RPGRIP1: variants seen among roughly 807,000 people sequenced by gnomAD.
RPGRIP1 encodes the protein RPGR interacting protein 1, also known as X-linked retinitis pigmentosa GTPase regulator-interacting protein 1.
In RPGRIP1, 128 loss-of-function variants were observed where a neutral mutation model predicts 157.9. The ratio of observed to expected loss-of-function variants is 0.81; its 90% confidence interval spans 0.70 to 0.94. The LOEUF is 0.94. RPGRIP1 is among the 40% of genes least tolerant of loss of function. The pLI is 0.00. For missense variants in RPGRIP1, 1,486 were observed against 1,545.8 expected (o/e 0.96, Z 0.65); for synonymous variants, 554 against 571.6 (o/e 0.97, Z 0.44).
chr14:21,327,795 A>G lies in RPGRIP1; in HGVS notation c.2883A>G (p.Ser961=), dbSNP rs768027920. The G allele has an allele frequency of 2.5e-6, 4 of 1,594,770 alleles. No individual in the cohort carries two copies. The South Asian group carries it at 4.5e-5, about 18-fold the overall frequency. The stretch of plus-strand genomic sequence containing the variant: ...TCTCATCTGAAGAGGAAAAGGCTTC[A>G]TTTCCTTCCCAGGTAACTCTCCAGG... ...SKISSEEEKA[S]FPSQDQMASP... Residue 961 remains serine (S), a synonymous_variant, in exon 18 of 25, where the codon TCA becomes TCG. Transcript: ENST00000400017.
intron 3 of RPGRIP1, among the ~76,000 whole-genome samples, chr14:21,298,370 G>A (rs1013108924): frequency 6.7e-6 from 1 of 150,072 alleles, no homozygotes; most frequent in Non-Finnish European, 1.5e-5. Context: ...CGTGGTGGCA[G>A]GCGCCTATAA....
At chr14:21,334,498 A>C in intron 20 of RPGRIP1, 107 bp from the exon 21 acceptor site, 2 of 771,060 alleles carry the variant, frequency 2.6e-6, no homozygotes, top group Non-Finnish European at 4.6e-6. Context: ...AAATCTAGAC[A>C]CTCGGAACTA....
chr14:21,286,885 G>A (rs1022372109), intron 1 of RPGRIP1, among the ~76,000 whole-genome samples: 5 of 152,046 alleles, frequency 3.3e-5, no homozygotes, highest in African/African-American at 1.2e-4. Context: ...ACTGGGCCTG[G>A]CACGGTGGCT....
chr14:21,334,524 A>T (rs1884127282), intron 20 of RPGRIP1, 81 bp from the exon 21 acceptor site: 1 of 910,192 alleles, frequency 1.1e-6, no homozygotes. Flanking sequence ...CAGACAGTGG[A>T]TTGGAGATGT....
intron 11 of RPGRIP1, 195 bp downstream of exon 11, chr14:21,318,045 A>G: frequency 1.4e-6 from 1 of 700,676 alleles, no homozygotes; most frequent in Non-Finnish European, 2.6e-6. Flanking sequence ...CCTACCTCTC[A>G]TGTATACTTT....
At position 21,328,495 on chromosome 14, in the gene RPGRIP1, G is replaced by A. The variant is rs1883352034; in HGVS notation, c.2967G>A (p.Gly989=). The A allele has an allele frequency of 6.2e-7, 1 of 1,613,730 alleles. No individual in the cohort carries two copies. The highest frequency in any genetic ancestry group is 8.5e-7 in the Non-Finnish European group (1 of 1,179,792). The change falls in exon 19 of 25, where the codon GGG becomes GGA. Residue 989 remains glycine, a synonymous_variant. Transcript: ENST00000400017. ...QYRSKRKPPH[G]GERKEKEHQV... Reference sequence around the variant, plus strand: ...GATCTAAGAGAAAACCTCCTCATGGGGGAGAAAGAAAGGAGAAGGAGCACC... The same window carrying A: ...GATCTAAGAGAAAACCTCCTCATGGAGGAGAAAGAAAGGAGAAGGAGCACC...
At chr14:21,339,042 A>C (rs2139313840) in intron 21 of RPGRIP1, among the ~76,000 whole-genome samples, 1 of 152,322 alleles carries the variant, frequency 6.6e-6, no homozygotes, top group East Asian at 1.9e-4. Flanking sequence ...AGGTTGAGGC[A>C]GGAGAATCGC....
intron 2 of RPGRIP1, among the ~76,000 whole-genome samples, chr14:21,290,057 A>G (rs1469214474): frequency 6.6e-6 from 1 of 151,594 alleles, no homozygotes; most frequent in African/African-American, 2.4e-5. Context: ...GGGTTTCACC[A>G]TGCTGGCCGG....
At chr14:21,322,042 C>T in intron 14 of RPGRIP1, 38 bp downstream of exon 14, 1 of 1,565,124 alleles carries the variant, frequency 6.4e-7, no homozygotes, top group Non-Finnish European at 8.7e-7. Flanking sequence ...CTTCGGGACC[C>T]TTCCACAGCT....
chr14:21,350,614 C>G (rs2139383164), intron 24 of RPGRIP1, among the ~76,000 whole-genome samples: 1 of 152,062 alleles, frequency 6.6e-6, no homozygotes, highest in African/African-American at 2.4e-5. Context: ...AGTCTTTTTC[C>G]TCATCTATAA....
rs928269514 is a variant in RPGRIP1, at chr14:21,284,143, A to C, written c.-38-3796A>C. 2.0e-5 allele frequency among the ~76,000 whole-genome samples: 3 copies of C among 152,196 alleles called. No homozygotes were observed. In the South Asian group the frequency reaches 6.2e-4, roughly 32 times the overall value. ...ATCCAATTCAAGTTAAATTGCCCGGAAAGCAGATCAATACAATGTTTACAT... is the reference window on the plus strand; with the variant it reads ...ATCCAATTCAAGTTAAATTGCCCGGCAAGCAGATCAATACAATGTTTACAT... On this transcript the variant is annotated intron_variant, in intron 1 of 24. Coordinates refer to ENST00000400017, the MANE Select transcript of RPGRIP1 (RefSeq NM_020366.4).
chr14:21,282,731 TCC>T (rs911985551), intron 1 of RPGRIP1, among the ~76,000 whole-genome samples: 11 of 148,162 alleles, frequency 7.4e-5, no homozygotes, highest in African/African-American at 2.2e-4. Context: ...TGCCTCAGCC[TCC>T]CCAGTAGCTG....
At chr14:21,350,553 T>C (rs879291034) in intron 24 of RPGRIP1, among the ~76,000 whole-genome samples, 12 of 152,218 alleles carry the variant, frequency 7.9e-5, no homozygotes, top group Admixed American at 2.6e-4. Flanking sequence ...GTTCAAATGT[T>C]AGATAAGATT....
chr14:21,350,837 T>TAA (rs1276741015), intron 24 of RPGRIP1, among the ~76,000 whole-genome samples: 2 of 152,210 alleles, frequency 1.3e-5, no homozygotes, highest in African/African-American at 4.8e-5. Flanking sequence ...AAAATCCACT[T>TAA]AAGACTTTTC....
intron 1 of RPGRIP1, among the ~76,000 whole-genome samples, chr14:21,283,783 G>A (rs779089977): frequency 3.3e-5 from 5 of 151,666 alleles, no homozygotes; most frequent in Admixed American, 6.6e-5. Flanking sequence ...TCAGCCTCCC[G>A]AGTAGCCGGA....
intron 21 of RPGRIP1, among the ~76,000 whole-genome samples, chr14:21,338,017 A>G (rs1479403889): frequency 6.6e-6 from 1 of 152,072 alleles, no homozygotes; most frequent in Non-Finnish European, 1.5e-5. Context: ...CCCAGGTTCA[A>G]GCAATTCTCC....
chr14:21,313,226 G>T (rs1881613669), intron 10 of RPGRIP1, among the ~76,000 whole-genome samples: 1 of 151,800 alleles, frequency 6.6e-6, no homozygotes, highest in African/African-American at 2.4e-5. Context: ...ATGTTGCTGG[G>T]TGCAGCAGCT....
chr14:21,291,585 CTT>C (rs35162520), intron 2 of RPGRIP1, among the ~76,000 whole-genome samples: 14 of 143,778 alleles, frequency 9.7e-5, no homozygotes, highest in South Asian at 2.2e-4. Flanking sequence ...GATGAAGTAC[CTT>C]TTTTTTTTTT....
At chr14:21,331,175 C>T (rs572437364) in intron 20 of RPGRIP1, among the ~76,000 whole-genome samples, 3 of 151,090 alleles carry the variant, frequency 2.0e-5, no homozygotes, top group South Asian at 4.3e-4. Flanking sequence ...TCCCAAAGTG[C>T]TGGGATTACA....
Sources: allele counts gnomAD v4.1 joint callset (sites outside exome capture counted in the v4.1 genomes callset), GRCh38; gene constraint gnomAD v4.1.1; transcripts MANE v1.5; gene names NCBI Gene and HGNC (gene_info 2026-07-23, HGNC 2026-07-21).